The following ROBO2 variants were observed in gnomAD, a reference collection of about 807,000 sequenced individuals.
ROBO2 encodes roundabout guidance receptor 2, also known as roundabout homolog 2.
ROBO2 carries 53 observed loss-of-function variants against 160.8 expected under a neutral mutation model. The ratio of observed to expected loss-of-function variants is 0.33; its 90% CI spans 0.26 to 0.41. ROBO2 has a LOEUF of 0.41. Among genes scored for constraint, ROBO2 ranks in the 10% least tolerant of loss-of-function variants. The pLI is 1.00. For missense variants in ROBO2, 1,577 were observed against 1,722.4 expected (o/e 0.92, Z 1.49); for synonymous variants, 664 against 611.7 (o/e 1.09, Z -1.26).
intron 2 of ROBO2, among the ~76,000 whole-genome samples, chr3:76,642,474 T>C (rs1012678705): frequency 2.1e-5 from 3 of 146,010 alleles, no homozygotes; most frequent in Non-Finnish European, 4.5e-5. Context: ...TGCCTCAGCC[T>C]CCTGAGTACC....
At chr3:77,058,836 C>A (rs999481941) in intron 1 of ROBO2, among the ~76,000 whole-genome samples, 4 of 152,038 alleles carry the variant, frequency 2.6e-5, no homozygotes, top group African/African-American at 7.2e-5. Context: ...CCACACCTGG[C>A]CTTAGTTGCT....
intron 2 of ROBO2, among the ~76,000 whole-genome samples, chr3:76,662,587 G>A (rs1040405482): frequency 3.9e-5 from 6 of 151,962 alleles, no homozygotes; most frequent in Non-Finnish European, 5.9e-5. Flanking sequence ...GTACTAATGC[G>A]AGTTAGGTGA....
chr3:76,161,328 A>G (rs994764168), intron 2 of ROBO2, among the ~76,000 whole-genome samples: 1 of 152,140 alleles, frequency 6.6e-6, no homozygotes, highest in Non-Finnish European at 1.5e-5. Flanking sequence ...TTTATTCTCG[A>G]GCTATTTTTG....
intron 2 of ROBO2, among the ~76,000 whole-genome samples, chr3:77,296,770 A>T: frequency 6.6e-6 from 1 of 152,118 alleles, no homozygotes. Flanking sequence ...AGGACAAAAG[A>T]GGAGGGACCT....
chr3:75,940,180 C>T (rs997225181), intron 2 of ROBO2, among the ~76,000 whole-genome samples: 99 of 151,872 alleles, frequency 6.5e-4, no homozygotes, highest in Middle Eastern at 3.4e-3. Context: ...CTAGAGAAAC[C>T]GTGTGAGAAA....
At chr3:76,411,738 A>C (rs2075496378) in intron 2 of ROBO2, among the ~76,000 whole-genome samples, 1 of 152,162 alleles carries the variant, frequency 6.6e-6, no homozygotes, top group Admixed American at 6.5e-5. Flanking sequence ...ATTTTTGTGA[A>C]AGTAGCATAA....
intron 2 of ROBO2, among the ~76,000 whole-genome samples, chr3:77,410,594 T>TTCCTCCTCCTCCTCTTCCTCCTCCTCCTC (rs1560757677): frequency 6.2e-5 from 7 of 112,300 alleles, no homozygotes; most frequent in African/African-American, 1.8e-4. Flanking sequence ...CCTCCTCCTC[T>TTCCTCCTCCTCCTCTTCCTCCTCCTCCTC]TCCTCCTCCT....
At chr3:76,720,414 T>G (rs182783489) in intron 2 of ROBO2, among the ~76,000 whole-genome samples, 1 of 152,172 alleles carries the variant, frequency 6.6e-6, no homozygotes, top group South Asian at 2.1e-4. Flanking sequence ...AGAAATAATG[T>G]TTGCCATTCA....
At chr3:76,864,082 A>G (rs1356439560) in intron 2 of ROBO2, among the ~76,000 whole-genome samples, 1 of 152,004 alleles carries the variant, frequency 6.6e-6, no homozygotes, top group Non-Finnish European at 1.5e-5. Context: ...ATTCTACTGA[A>G]TTGAACACGA....
intron 2 of ROBO2, among the ~76,000 whole-genome samples, chr3:76,248,105 A>T (rs555760971): frequency 1.3e-5 from 2 of 151,668 alleles, no homozygotes; most frequent in Admixed American, 1.3e-4. Flanking sequence ...GATCTAGAAC[A>T]AGAAATACCA....
At chr3:76,396,390 G>A (rs2077449556) in intron 2 of ROBO2, among the ~76,000 whole-genome samples, 1 of 152,142 alleles carries the variant, frequency 6.6e-6, no homozygotes, top group Non-Finnish European at 1.5e-5. Context: ...AAAACTGGAA[G>A]CATTCCCTTT....
At chr3:76,905,326 A>G (rs1025259610) in intron 2 of ROBO2, among the ~76,000 whole-genome samples, 2 of 152,198 alleles carry the variant, frequency 1.3e-5, no homozygotes, top group Admixed American at 1.3e-4. Flanking sequence ...GGACAAGGCA[A>G]TCACGTATAG....
At position 77,642,947 on chromosome 3, in the gene ROBO2, T is replaced by C; in HGVS notation, c.3935-1757T>C. 4.4e-6 allele frequency: 2 copies of C among 456,460 alleles called. No individual in the cohort carries two copies. The highest frequency in any genetic ancestry group is 3.1e-5 in the South Asian group (2 of 64,566). The allele number at this position is 456,460 out of a possible 1,614,324, so 28.3% of individuals were successfully genotyped here. On this transcript the variant is annotated intron_variant, in intron 24 of 25. Transcript: ENST00000461745. ...CACAAACAAGGTGTCGGATCAGGTG[T>C]GTTCTGCACAGTCCCAAGAAAGTGT...
chr3:76,736,930 G>A (rs2093722561), intron 2 of ROBO2, among the ~76,000 whole-genome samples: 1 of 152,086 alleles, frequency 6.6e-6, no homozygotes, highest in Non-Finnish European at 1.5e-5. Flanking sequence ...AGGCAGAAAA[G>A]AATGATAATA....
intron 2 of ROBO2, among the ~76,000 whole-genome samples, chr3:77,226,527 T>C (rs934005747): frequency 6.6e-6 from 1 of 152,218 alleles, no homozygotes; most frequent in African/African-American, 2.4e-5. Context: ...AAAGATGAGC[T>C]GAAGTAAATC....
chr3:77,367,073 T>G (rs2153473651), intron 2 of ROBO2, among the ~76,000 whole-genome samples: 1 of 152,270 alleles, frequency 6.6e-6, no homozygotes, highest in East Asian at 1.9e-4. Context: ...TCAAACAGAT[T>G]TAGACACTCA....
At chr3:77,612,846 G>T (rs1352311908) in intron 21 of ROBO2, among the ~76,000 whole-genome samples, 2 of 152,032 alleles carry the variant, frequency 1.3e-5, no homozygotes, top group Admixed American at 1.3e-4. Context: ...CCAGCTACTC[G>T]GGAGGCTGAG....
chr3:77,551,872 TA>T (rs1258310736), intron 8 of ROBO2, among the ~76,000 whole-genome samples: 2 of 152,016 alleles, frequency 1.3e-5, no homozygotes, highest in Admixed American at 6.6e-5. Context: ...AAAGGTCATT[TA>T]AAATTAATAG....
intron 2 of ROBO2, among the ~76,000 whole-genome samples, chr3:76,287,955 A>C (rs997915489): frequency 1.3e-5 from 2 of 152,244 alleles, no homozygotes; most frequent in African/African-American, 2.4e-5. Flanking sequence ...TTTTCCATTT[A>C]GGCTAGAAGA....
Sources: gnomAD v4.1 joint callset for allele counts (sites outside exome capture counted in the v4.1 genomes callset) on GRCh38, gnomAD v4.1.1 for gene constraint, MANE v1.5 for transcripts, NCBI Gene and HGNC (gene_info 2026-07-23, HGNC 2026-07-21) for gene names.